Variants in RGPD3 observed in about 807,000 individuals in gnomAD.
The protein encoded by RGPD3 is RANBP2 like and GRIP domain containing 3, also known as ranBP2-like and GRIP domain-containing protein 3.
A neutral mutation model predicts 154.5 loss-of-function variants in RGPD3; 62 were observed. The observed-to-expected ratio is 0.40, with a 90% CI of 0.33 to 0.50. The LOEUF is 0.50. Among genes scored for constraint, RGPD3 ranks in the 20% least tolerant of loss-of-function variants. The pLI is 0.59. For synonymous variants in RGPD3, 308 were observed against 607.0 expected (o/e 0.51, Z 7.24); for missense variants, 919 against 1,716.8 (o/e 0.54, Z 8.21).
chr2:106,411,550 C>T (rs867196665), intron 22 of RGPD3, among the ~76,000 whole-genome samples: 87 of 150,702 alleles, frequency 5.8e-4, no homozygotes, highest in Middle Eastern at 3.4e-3. Context: ...ACAAAATGGC[C>T]GGGCGTGGTG....
chr2:106,428,668 C>T (rs1374173864), intron 18 of RGPD3, among the ~76,000 whole-genome samples: 1 of 151,832 alleles, frequency 6.6e-6, no homozygotes, highest in Non-Finnish European at 1.5e-5. Flanking sequence ...TATTCTAAAT[C>T]TTTCCTGGGC....
intron 22 of RGPD3, among the ~76,000 whole-genome samples, chr2:106,410,665 T>C (rs1676642503): frequency 6.6e-6 from 1 of 152,178 alleles, no homozygotes; most frequent in Admixed American, 6.5e-5. Flanking sequence ...ATAAAATTAG[T>C]TATAATTTTG....
At chr2:106,448,312 A>T (rs1224303108) in intron 6 of RGPD3, among the ~76,000 whole-genome samples, 2 of 152,332 alleles carry the variant, frequency 1.3e-5, no homozygotes, top group East Asian at 3.9e-4. Flanking sequence ...GGGTTTTACT[A>T]TGTTGGCCAG....
rs1677470986 is a variant in RGPD3, at chr2:106,434,280, T to C, written c.2153A>G (p.Tyr718Cys). The C allele has an allele frequency of 2.5e-6, 4 of 1,604,042 alleles. No individual in the cohort carries two copies. The East Asian group carries it at 9.0e-5, about 36-fold the overall frequency. ...CKNYLRKTRGYLIKILDDSDS... is the reference protein window; with the variant it reads ...CKNYLRKTRGCLIKILDDSDS... ...ACTGTCATCTAAAATCTTTATTAGG[T>C]AGCCCCTGGTCTTTCTCAGATAATT... Residue 718 changes from tyrosine to cysteine, a missense_variant, in exon 15 of 23, where the codon TAC becomes TGC. Coordinates refer to ENST00000409886, the MANE Select transcript of RGPD3 (RefSeq NM_001144013.2).
intron 22 of RGPD3, among the ~76,000 whole-genome samples, chr2:106,412,601 G>T (rs778857585): frequency 3.3e-5 from 5 of 151,718 alleles, no homozygotes; most frequent in Admixed American, 2.0e-4. Context: ...AACCACCGGC[G>T]CCTGGCCTAT....
In RGPD3 at chr2:106,415,898, C is replaced by T; in HGVS notation, c.5016G>A (p.Leu1672=). The T allele has an allele frequency of 2.5e-6, 4 of 1,611,882 alleles. No individual in the cohort carries two copies. The highest frequency in any genetic ancestry group is 3.4e-6 in the Non-Finnish European group (4 of 1,179,844). ...CATTGGTTGCCTCTATTTCCCGAAG[C>T]AGGCCGTTTAAGTGATCTGCACTTT... ...TTKSADHLNG[L]LREIEATNAV... is the part of the protein sequence containing the mutation. The change falls in exon 21 of 23, where the codon CTG becomes CTA. Residue 1672 remains leucine (L), a synonymous_variant. Coordinates refer to ENST00000409886, the MANE Select transcript of RGPD3 (RefSeq NM_001144013.2).
Position 106,463,454 on chromosome 2 carries a change from A to AAC in RGPD3, c.73-4124_73-4123dup, listed in dbSNP as rs1392371774. ...CATGCCACTGCACTCCAGCCTGGGC[A>AAC]ACAGAGCAAGACTCTGTCCCAAAAC... is the stretch of plus-strand genomic sequence containing the variant. On this transcript the variant is annotated intron_variant, in intron 1 of 22. Coordinates refer to ENST00000409886, the MANE Select transcript of RGPD3 (RefSeq NM_001144013.2). Among the ~76,000 whole-genome samples the AAC allele has an allele frequency of 2.6e-5, 4 of 151,658 alleles. No individual in the cohort carries two copies. In the East Asian group the frequency reaches 7.8e-4, roughly 30 times the overall value.
chr2:106,447,835 C>T (rs539986335), intron 6 of RGPD3, among the ~76,000 whole-genome samples: 2 of 151,240 alleles, frequency 1.3e-5, no homozygotes, highest in East Asian at 3.9e-4. Context: ...CAAATGATGT[C>T]TTATTCCCAG....
chr2:106,468,289 C>G lies in RGPD3; in HGVS notation c.-1G>C, dbSNP rs1361348711. On this transcript the variant is annotated 5_prime_UTR_variant, in exon 1 of 23. Coordinates refer to ENST00000409886, the MANE Select transcript of RGPD3 (RefSeq NM_001144013.2). ...CCCCGTAGGCCTTGCTGCAACTCAT[C>G]GCGCCACCAACCTGGCTCCCGAGAT... The G allele has an allele frequency of 4.4e-6, 7 of 1,604,198 alleles. No homozygotes were observed. The highest frequency in any genetic ancestry group is 2.7e-5 in the African/African-American group (2 of 74,714).
At chr2:106,425,787 AAAATATTCT>A (rs1371779343) in intron 19 of RGPD3, among the ~76,000 whole-genome samples, 198 bp downstream of exon 19, 1 of 58,930 alleles carries the variant, frequency 1.7e-5, no homozygotes, top group East Asian at 3.6e-4. Flanking sequence ...TCCCATTTTT[AAAATATTCT>A]AAATATTCAC....
At chr2:106,417,498 A>G (rs890469163) in intron 20 of RGPD3, among the ~76,000 whole-genome samples, 1 of 148,854 alleles carries the variant, frequency 6.7e-6, no homozygotes, top group African/African-American at 2.6e-5. Context: ...CGGGAGAATT[A>G]AGCAGCTGCT....
intron 19 of RGPD3, 65 bp from the exon 20 acceptor site, chr2:106,425,331 C>T: frequency 6.2e-7 from 1 of 1,600,830 alleles, no homozygotes; most frequent in Non-Finnish European, 8.5e-7. Context: ...AAATACATAC[C>T]TTCTTCATTC....
intron 4 of RGPD3, among the ~76,000 whole-genome samples, chr2:106,455,097 G>T (rs1678206738): frequency 6.6e-6 from 1 of 152,242 alleles, no homozygotes; most frequent in Non-Finnish European, 1.5e-5. Flanking sequence ...GAACCCGGGA[G>T]GCAGAAGTGG....
intron 7 of RGPD3, among the ~76,000 whole-genome samples, chr2:106,446,774 C>T (rs1324289873): frequency 4.6e-5 from 7 of 151,184 alleles, no homozygotes; most frequent in East Asian, 2.0e-4. Flanking sequence ...CCCAGCTACT[C>T]GGGAGGCTGA....
At chr2:106,450,959 T>C (rs1678101223) in intron 6 of RGPD3, among the ~76,000 whole-genome samples, 2 of 146,708 alleles carry the variant, frequency 1.4e-5, no homozygotes, top group Non-Finnish European at 3.0e-5. Flanking sequence ...CGTAGTGGTG[T>C]GCGCCTGTGG....
intron 8 of RGPD3, among the ~76,000 whole-genome samples, 165 bp downstream of exon 8, chr2:106,441,128 C>T (rs1231714878): frequency 6.6e-6 from 1 of 151,818 alleles, no homozygotes; most frequent in Admixed American, 6.6e-5. Flanking sequence ...AAAGAATGTG[C>T]TATTTCTTCG....
intron 1 of RGPD3, among the ~76,000 whole-genome samples, chr2:106,467,887 C>CAGG (rs1678683194): frequency 8.2e-6 from 1 of 122,168 alleles, no homozygotes. Context: ...CGCCGCAGGG[C>CAGG]CAGGTCGAGG....
chr2:106,413,641 C>G (rs544608249), intron 21 of RGPD3, among the ~76,000 whole-genome samples: 1 of 152,238 alleles, frequency 6.6e-6, no homozygotes, highest in African/African-American at 2.4e-5. Flanking sequence ...AGTAGAAAGG[C>G]AACAAGCTAA....
chr2:106,446,119 G>A (rs529052339), intron 7 of RGPD3, among the ~76,000 whole-genome samples: 72 of 109,634 alleles, frequency 6.6e-4, no homozygotes, highest in African/African-American at 2.5e-3. Context: ...ATTAGGAGGG[G>A]CCTTCTCTAA....
Sources: gnomAD v4.1 joint callset for allele counts (sites outside exome capture counted in the v4.1 genomes callset) on GRCh38, gnomAD v4.1.1 for gene constraint, MANE v1.5 for transcripts, NCBI Gene and HGNC (gene_info 2026-07-23, HGNC 2026-07-21) for gene names.